The following SDR16C5 variants were observed in gnomAD, a reference collection of about 807,000 sequenced individuals.
SDR16C5 encodes the protein short chain dehydrogenase/reductase family 16C member 5.
SDR16C5 carries 20 observed loss-of-function variants against 27.7 expected under a neutral mutation model. That is an observed-to-expected ratio of 0.72 (90% CI 0.51 to 1.05). The LOEUF is 1.05. Ranked by LOEUF, SDR16C5 falls within the 50% of genes least tolerant of loss-of-function variation. The pLI, the probability that SDR16C5 is intolerant of heterozygous loss-of-function variation, is 0.00. For synonymous variants in SDR16C5, 139 were observed against 132.3 expected (o/e 1.05, Z -0.35); for missense variants, 374 against 366.3 (o/e 1.02, Z -0.17).
rs998031416 is a variant in SDR16C5, at chr8:56,300,230, T to C, written c.*1250A>G. On this transcript the variant is annotated 3_prime_UTR_variant, in exon 7 of 7. Transcript: ENST00000303749. ...AAGGAAATACAGATCAGGGCTGTCA[T>C]GTTCGTGCAGGCCACTCAAGGTAAA... The C allele has an allele frequency of 2.6e-5, 4 of 152,042 alleles. No homozygotes were observed. The highest frequency in any genetic ancestry group is 2.1e-4 in the South Asian group (1 of 4,814). 9.4% of individuals were successfully genotyped at this position (152,042 alleles called of 1,614,324 possible).
rs760566623 is a variant in SDR16C5 at position 56,306,805 on chromosome 8, T to C, written c.581A>G (p.Lys194Arg). ...VNGLADYCASKFAAFGFAESV... is the reference protein window; with the variant it reads ...VNGLADYCASRFAAFGFAESV... Reference sequence around the variant, plus strand: ...TTCAGCAAACCCAAAGGCTGCAAATTTACTTGCACAGTAATCTGAAAAAGA... The same window carrying C: ...TTCAGCAAACCCAAAGGCTGCAAATCTACTTGCACAGTAATCTGAAAAAGA... Residue 194 changes from lysine to arginine, a missense_variant, in exon 5 of 7, where the codon AAA becomes AGA. Transcript: ENST00000303749. 1 of 1,610,480 alleles carries C rather than the reference T, an allele frequency of 6.2e-7. No homozygotes were observed. The highest frequency in any genetic ancestry group is 8.5e-7 in the Non-Finnish European group (1 of 1,179,210).
At chr8:56,310,104 A>G (rs1184947557) in intron 3 of SDR16C5, among the ~76,000 whole-genome samples, 4 of 132,582 alleles carry the variant, frequency 3.0e-5, no homozygotes, top group East Asian at 2.3e-4. Flanking sequence ...GAAGAGGAGG[A>G]AGGAGGAGGA....
intron 6 of SDR16C5, among the ~76,000 whole-genome samples, chr8:56,302,848 G>A (rs192240303): frequency 2.0e-5 from 3 of 151,912 alleles, no homozygotes; most frequent in African/African-American, 7.2e-5. Context: ...TGTGCATAAT[G>A]GTGCACAACT....
At chr8:56,315,439 G>C (rs1001728262) in intron 2 of SDR16C5, among the ~76,000 whole-genome samples, 2 of 152,118 alleles carry the variant, frequency 1.3e-5, no homozygotes, top group African/African-American at 4.8e-5. Context: ...GACTACTTAA[G>C]AGCAATACAC....
In SDR16C5 at chr8:56,312,279, CT is replaced by C. The variant is rs1563442508; in HGVS notation, c.342del (p.Glu115LysfsTer8). The C allele has an allele frequency of 1.2e-6, 2 of 1,613,814 alleles. No homozygotes were observed. Among genetic ancestry groups the C allele is most frequent in the Non-Finnish European group, 1.7e-6 (2 of 1,179,690 alleles). On this transcript the variant is annotated frameshift_variant, in exon 3 of 7. Transcript: ENST00000303749. LOFTEE classifies it high-confidence loss of function. ...ATTAGGATGGAAACATCGCCGACTT[CT>C]TTTTTAACCTGAATTGAATAAGAGC... ...GVYRVADQVK[K>X]EVGDVSILIN...
In SDR16C5 at chr8:56,316,027, T is replaced by G. The variant is rs1815184909; in HGVS notation, c.321A>C (p.Arg107Ser). The change falls in exon 2 of 7, where the codon AGA becomes AGC. Residue 107 changes from arginine (R) to serine (S), a missense_variant. Transcript: ENST00000303749. ...ACACAAGAGTTACCTGGTCGGCTAC[T>G]CTATACACTCCTTCCTTTTGGCTGC... Reference protein sequence around the residue: ...CDCSQKEGVYRVADQVKKEVG... With the variant: ...CDCSQKEGVYSVADQVKKEVG... 2 of 1,612,686 alleles carry G rather than the reference T, an allele frequency of 1.2e-6. No individual in the cohort carries two copies. The highest frequency in any genetic ancestry group is 2.7e-5 in the African/African-American group (2 of 74,878).
rs1238293418 is a variant in SDR16C5 at position 56,320,155 on chromosome 8, A to C, written c.-111T>G. 3 of 152,172 alleles carry C rather than the reference A, an allele frequency of 2.0e-5. No homozygotes were observed. Among genetic ancestry groups the C allele is most frequent in the Admixed American group, 6.5e-5 (1 of 15,282 alleles). 9.4% of individuals were successfully genotyped at this position (152,172 alleles called of 1,614,324 possible). ...GGAGCTCAGTCAGGTTCAGGTGTTTATCCAGGCGCCGCCCAAGTCCAAGGG... is the reference window on the plus strand; with the variant it reads ...GGAGCTCAGTCAGGTTCAGGTGTTTCTCCAGGCGCCGCCCAAGTCCAAGGG... On this transcript the variant is annotated 5_prime_UTR_variant, in exon 1 of 7. Transcript: ENST00000303749.
chr8:56,309,330 G>A, intron 3 of SDR16C5: 1 of 985,330 alleles, frequency 1.0e-6, no homozygotes, highest in South Asian at 4.7e-5. Flanking sequence ...AATCTTTGTT[G>A]TGGCAGCCAC....
Position 56,309,035 on chromosome 8 carries a change from T to C in SDR16C5, c.466-8A>G, listed in dbSNP as rs761013911. Reference sequence around the variant, plus strand: ...TAGAAAGGCTTTATAAGTCTAAGAATACAAAGGAAAACTTTTAATGTTTAA... The same window carrying C: ...TAGAAAGGCTTTATAAGTCTAAGAACACAAAGGAAAACTTTTAATGTTTAA... On this transcript the variant is annotated splice_region_variant and splice_polypyrimidine_tract_variant and intron_variant, in intron 3 of 6. Transcript: ENST00000303749. 3.2e-6 allele frequency: 5 copies of C among 1,579,432 alleles called. No homozygotes were observed. The highest frequency in any genetic ancestry group is 2.4e-5 in the South Asian group (2 of 85,090).
At position 56,301,380 on chromosome 8, in the gene SDR16C5, C is replaced by T. The variant is rs1423902436; in HGVS notation, c.*100G>A. 1.1e-5 allele frequency: 9 copies of T among 787,254 alleles called. No homozygotes were observed. The highest frequency in any genetic ancestry group is 1.1e-4 in the South Asian group (7 of 63,922). 48.8% of individuals were successfully genotyped at this position (787,254 alleles called of 1,614,324 possible). A position where few individuals can be genotyped will look rare whatever the true frequency, so the allele number is the denominator to read the frequency against. ...ACAGAATAGGAGTGGTACTTGTGGT[C>T]TCCAGATATATTCCACTGTCAGACA... On this transcript the variant is annotated 3_prime_UTR_variant, in exon 7 of 7. Transcript: ENST00000303749.
In SDR16C5 at chr8:56,316,235, ACGTTCTTC is replaced by A; in HGVS notation, c.105_112del (p.Lys36CysfsTer3). On this transcript the variant is annotated frameshift_variant, in exon 2 of 7. Transcript: ENST00000303749. LOFTEE classifies it high-confidence loss of function. ...TGTGATGAGGACTATTTCACCAGCA[ACGTTCTTC>A]CGTGGCTTTGGGAGTAAGGCAAAAA... 6.2e-7 allele frequency: 1 copy of A among 1,614,080 alleles called. No individual in the cohort carries two copies. Among genetic ancestry groups the A allele is most frequent in the Non-Finnish European group, 8.5e-7 (1 of 1,179,950 alleles).
intron 4 of SDR16C5, among the ~76,000 whole-genome samples, chr8:56,307,802 C>T (rs1270293752): frequency 6.6e-6 from 1 of 152,124 alleles, no homozygotes; most frequent in African/African-American, 2.4e-5. Flanking sequence ...AAACTGGCAC[C>T]CCGGTGGTTC....
intron 6 of SDR16C5, chr8:56,303,837 G>T: frequency 3.2e-6 from 2 of 627,188 alleles, no homozygotes; most frequent in Non-Finnish European, 5.8e-6. Context: ...AAAGAACTTA[G>T]TGTGTTGTGA....
chr8:56,317,629 G>A (rs1441972809), intron 1 of SDR16C5, among the ~76,000 whole-genome samples: 3 of 152,196 alleles, frequency 2.0e-5, no homozygotes, highest in East Asian at 3.8e-4. Context: ...GCCTAGTTGC[G>A]GTTAATGAGT....
chr8:56,304,949 T>A (rs1397413905), intron 6 of SDR16C5, among the ~76,000 whole-genome samples: 2 of 152,166 alleles, frequency 1.3e-5, no homozygotes, highest in African/African-American at 4.8e-5. Context: ...TATTCATTAT[T>A]TTTGGAGAGA....
intron 2 of SDR16C5, among the ~76,000 whole-genome samples, chr8:56,312,771 C>T (rs1294111430): frequency 1.2e-5 from 1 of 84,802 alleles, no homozygotes; most frequent in Admixed American, 1.9e-4. Context: ...ATGCACCACA[C>T]ACCAAGTTTT....
chr8:56,315,705 G>T (rs1009168632), intron 2 of SDR16C5, among the ~76,000 whole-genome samples: 1 of 152,150 alleles, frequency 6.6e-6, no homozygotes, highest in South Asian at 2.1e-4. Flanking sequence ...ATAGATGCAA[G>T]TGGCAGCTAT....
At chr8:56,306,903 G>A (rs1324500325) in intron 4 of SDR16C5, 83 bp from the exon 5 acceptor site, 4 of 1,199,074 alleles carry the variant, frequency 3.3e-6, no homozygotes, top group Non-Finnish European at 3.5e-6. Flanking sequence ...CGCTAACAGC[G>A]ACAGAAAATA....
intron 6 of SDR16C5, among the ~76,000 whole-genome samples, chr8:56,301,807 C>A (rs754947954): frequency 6.6e-6 from 1 of 152,210 alleles, no homozygotes; most frequent in Non-Finnish European, 1.5e-5. Context: ...ATTCACTTCT[C>A]ATTTCGGTTT....
Sources: allele counts gnomAD v4.1 joint callset (sites outside exome capture counted in the v4.1 genomes callset), GRCh38; gene constraint gnomAD v4.1.1; transcripts MANE v1.5; gene names NCBI Gene and HGNC (gene_info 2026-07-23, HGNC 2026-07-21).